SCOC: variants seen among roughly 807,000 people sequenced by gnomAD.
The protein encoded by SCOC is short coiled-coil protein.
In SCOC, 7 loss-of-function variants were observed where a neutral mutation model predicts 9.9. The ratio of observed to expected loss-of-function variants is 0.71; its 90% CI spans 0.40 to 1.33. SCOC has a LOEUF of 1.33. Ranked by LOEUF, SCOC falls within the 40% of genes most tolerant of loss-of-function variation. The pLI is 0.01. For synonymous variants in SCOC, 19 were observed against 28.2 expected (o/e 0.67, Z 1.03); for missense variants, 66 against 89.7 (o/e 0.74, Z 1.07).
At chr4:140,270,422 C>A (rs1344085837) in intron 1 of SCOC, among the ~76,000 whole-genome samples, 1 of 152,154 alleles carries the variant, frequency 6.6e-6, no homozygotes, top group Non-Finnish European at 1.5e-5. Context: ...CAGCCTCAAC[C>A]TTCCAGGCTC....
intron 1 of SCOC, among the ~76,000 whole-genome samples, chr4:140,330,455 T>C (rs1732786208): frequency 6.6e-6 from 1 of 152,144 alleles, no homozygotes; most frequent in South Asian, 2.1e-4. Flanking sequence ...CAAAAAATGC[T>C]GAAGCTTTTT....
At chr4:140,360,707 A>G (rs908352200) in intron 2 of SCOC, 30 of 152,226 alleles carry the variant, frequency 2.0e-4, no homozygotes, top group Admixed American at 2.0e-3. Flanking sequence ...TATTCAGCCA[A>G]TGTCTGTGGA....
intron 2 of SCOC, among the ~76,000 whole-genome samples, chr4:140,365,234 A>C (rs188855189): frequency 6.6e-6 from 1 of 151,848 alleles, no homozygotes; most frequent in East Asian, 1.9e-4. Context: ...GAAATGTAAG[A>C]GCTAACAGAT....
upstream of SCOC, chr4:140,369,334 C>T: frequency 2.5e-6 from 1 of 401,898 alleles, no homozygotes; most frequent in South Asian, 1.8e-5. Context: ...CATTCATTCT[C>T]CAATGAATTC....
At chr4:140,342,156 T>C (rs11100619), upstream of SCOC, among the ~76,000 whole-genome samples, 29,898 of 152,058 alleles carry the variant, frequency 0.2, 3,823 homozygotes, top group African/African-American at 0.36. Context: ...TATTTACCTG[T>C]ATCTCATACT....
chr4:140,371,541 T>C (rs1728056074), upstream of SCOC, among the ~76,000 whole-genome samples: 1 of 152,228 alleles, frequency 6.6e-6, no homozygotes, highest in Admixed American at 6.5e-5. Flanking sequence ...ACAGTTACTA[T>C]ACTAATTTAC....
At chr4:140,361,567 G>A (rs1282264217) in intron 2 of SCOC, among the ~76,000 whole-genome samples, 1 of 152,148 alleles carries the variant, frequency 6.6e-6, no homozygotes, top group Non-Finnish European at 1.5e-5. Flanking sequence ...GCTGAGGCAA[G>A]AGAATCACTT....
At chr4:140,284,932 T>C (rs1455260697) in intron 1 of SCOC, 2 of 232,014 alleles carry the variant, frequency 8.6e-6, no homozygotes, top group Non-Finnish European at 1.7e-5. Context: ...AATGCATCAT[T>C]AATGGCTTAG....
intron 2 of SCOC, among the ~76,000 whole-genome samples, chr4:140,359,610 T>C (rs1727375852): frequency 2.0e-5 from 3 of 152,186 alleles, no homozygotes; most frequent in Non-Finnish European, 4.4e-5. Flanking sequence ...GCTGGTCCTC[T>C]GGACACAGAT....
chr4:140,373,395 T>G, upstream of SCOC: 1 of 1,462,756 alleles, frequency 6.8e-7, no homozygotes. Context: ...TTAGCTTCGC[T>G]TCTTTACTGT....
intron 1 of SCOC, among the ~76,000 whole-genome samples, chr4:140,287,461 TAC>T (rs763123218): frequency 6.7e-6 from 1 of 148,564 alleles, no homozygotes; most frequent in Non-Finnish European, 1.5e-5. Context: ...ACATACATGC[TAC>T]ACACACATCA....
intron 1 of SCOC, among the ~76,000 whole-genome samples, chr4:140,313,074 T>C (rs1358985432): frequency 6.6e-6 from 1 of 152,240 alleles, no homozygotes; most frequent in Non-Finnish European, 1.5e-5. Context: ...GGAAAGCCCA[T>C]GTGAGAGGTA....
chr4:140,377,026 A>G (rs2126595841), intron 1 of SCOC, among the ~76,000 whole-genome samples: 1 of 152,324 alleles, frequency 6.6e-6, no homozygotes, highest in East Asian at 1.9e-4. Context: ...CTTTTAATTT[A>G]TTATTTAGCA....
intron 1 of SCOC, among the ~76,000 whole-genome samples, chr4:140,287,328 CA>C (rs1437934584): frequency 6.6e-6 from 1 of 152,020 alleles, no homozygotes; most frequent in African/African-American, 2.4e-5. Flanking sequence ...CATGTTTACA[CA>C]CATACTAAAC....
chr4:140,368,891 G>T (rs750883703), upstream of SCOC, among the ~76,000 whole-genome samples: 23 of 152,060 alleles, frequency 1.5e-4, no homozygotes, highest in Non-Finnish European at 2.9e-4. Flanking sequence ...TCAGCTTTCA[G>T]CTTATTTTTT....
intron 2 of SCOC, among the ~76,000 whole-genome samples, chr4:140,352,797 T>C (rs1369558715): frequency 6.6e-6 from 1 of 152,228 alleles, no homozygotes; most frequent in Non-Finnish European, 1.5e-5. Flanking sequence ...ATGTTTTTTC[T>C]ACGTCATTAG....
chr4:140,330,692 A>T (rs1732793058), intron 1 of SCOC, among the ~76,000 whole-genome samples: 1 of 152,208 alleles, frequency 6.6e-6, no homozygotes, highest in Admixed American at 6.5e-5. Flanking sequence ...TCAATAGTAG[A>T]CATGTTTTAA....
At chr4:140,267,085 T>C (rs1219717379) in intron 1 of SCOC, among the ~76,000 whole-genome samples, 1 of 152,088 alleles carries the variant, frequency 6.6e-6, no homozygotes, top group Non-Finnish European at 1.5e-5. Flanking sequence ...AGAAAGAAGG[T>C]TATTTGATAC....
upstream of SCOC, chr4:140,373,205 T>C (rs1412709724): frequency 9.1e-6 from 9 of 992,770 alleles, no homozygotes; most frequent in Non-Finnish European, 1.0e-5. Context: ...CTTTCTCTGC[T>C]TGGTTCGCAA....
Sources: allele counts gnomAD v4.1 joint callset (sites outside exome capture counted in the v4.1 genomes callset), GRCh38; gene constraint gnomAD v4.1.1; transcripts MANE v1.5; gene names NCBI Gene and HGNC (gene_info 2026-07-23, HGNC 2026-07-21).